Variants in TMEM167B observed in about 807,000 individuals in gnomAD.
The protein encoded by TMEM167B is transmembrane protein 167B, also known as protein kish-B.
Under a neutral mutation model 9.4 loss-of-function variants are expected in TMEM167B, and 2 were observed. That is an observed-to-expected ratio of 0.21 (90% confidence interval 0.09 to 0.67). The LOEUF (loss-of-function observed/expected upper bound fraction) is 0.67, where lower values mean the gene tolerates loss of function less well. Among genes scored for constraint, TMEM167B ranks in the 30% least tolerant of loss-of-function variants. The pLI, the probability that TMEM167B is intolerant of heterozygous loss-of-function variation, is 0.82. For synonymous variants in TMEM167B, 28 were observed against 32.0 expected (o/e 0.87, Z 0.42); for missense variants, 68 against 87.6 (o/e 0.78, Z 0.89).
intron 2 of TMEM167B, 150 bp downstream of exon 2, chr1:109,093,171 C>A: frequency 1.7e-6 from 2 of 1,158,486 alleles, no homozygotes; most frequent in Non-Finnish European, 2.4e-6. Flanking sequence ...GAAAATTAAT[C>A]ATTCTCCAAA....
In TMEM167B at chr1:109,094,581, A is replaced by C; in HGVS notation, c.*82A>C. 7.3e-7 allele frequency: 1 copy of C among 1,367,354 alleles called. No individual in the cohort carries two copies. 84.7% of individuals were successfully genotyped at this position (1,367,354 alleles called of 1,614,324 possible). A position where few individuals can be genotyped will look rare whatever the true frequency, so the allele number is the denominator to read the frequency against. On this transcript the variant is annotated 3_prime_UTR_variant, in exon 3 of 3. Transcript: ENST00000338272. The stretch of plus-strand genomic sequence containing the variant: ...GTTGGAGACCTGAACCCAGTGTAGG[A>C]GAGTTCAGCTGAAATCATCGGTCCC...
Position 109,096,146 on chromosome 1 carries a change from T to C in TMEM167B, c.*1647T>C, listed in dbSNP as rs902181578. 2.0e-5 allele frequency: 3 copies of C among 152,234 alleles called. No individual in the cohort carries two copies. The highest frequency in any genetic ancestry group is 4.4e-5 in the Non-Finnish European group (3 of 68,040). The allele number at this position is 152,234 out of a possible 1,614,324, so 9.4% of individuals were successfully genotyped here. On this transcript the variant is annotated 3_prime_UTR_variant, in exon 3 of 3. Coordinates refer to ENST00000338272, the MANE Select transcript of TMEM167B (RefSeq NM_020141.4). Reference sequence around the variant, plus strand: ...GGGTTTCTAGAAATACAGAAAGTCATCAAGTAAACACTGCATGTCTAATCA... The same window carrying C: ...GGGTTTCTAGAAATACAGAAAGTCACCAAGTAAACACTGCATGTCTAATCA...
At position 109,090,898 on chromosome 1, in the gene TMEM167B, C is replaced by G; in HGVS notation, c.10+16C>G. On this transcript the variant is annotated intron_variant, in intron 1 of 2. Coordinates refer to ENST00000338272, the MANE Select transcript of TMEM167B (RefSeq NM_020141.4). Reference sequence around the variant, plus strand: ...ATGACGAACGGTGAGAACTGATGCCCTGAGCGGAGGGTGGGAGTGAAGGAC... The same window carrying G: ...ATGACGAACGGTGAGAACTGATGCCGTGAGCGGAGGGTGGGAGTGAAGGAC... 1.3e-6 allele frequency: 2 copies of G among 1,588,720 alleles called. No homozygotes were observed. Among genetic ancestry groups the G allele is most frequent in the Middle Eastern group, 1.7e-4 (1 of 6,032 alleles).
intron 2 of TMEM167B, chr1:109,093,244 C>G: frequency 1.8e-6 from 1 of 540,672 alleles, no homozygotes; most frequent in Non-Finnish European, 3.1e-6. Flanking sequence ...ATAATCTCAG[C>G]ACTTTGGGGG....
intron 2 of TMEM167B, 67 bp downstream of exon 2, chr1:109,093,088 G>T (rs1664486875): frequency 1.3e-6 from 2 of 1,579,876 alleles, no homozygotes; most frequent in Admixed American, 1.8e-5. Flanking sequence ...ACAAAGTAGG[G>T]AGTACAGTGA....
chr1:109,094,099 G>A (rs1664514348), intron 2 of TMEM167B, among the ~76,000 whole-genome samples: 1 of 152,182 alleles, frequency 6.6e-6, no homozygotes. Context: ...GGCCAAGATG[G>A]TGAAACCCCA....
intron 1 of TMEM167B, among the ~76,000 whole-genome samples, chr1:109,092,449 G>T (rs1439644246): frequency 6.6e-6 from 1 of 152,104 alleles, no homozygotes; most frequent in East Asian, 1.9e-4. Flanking sequence ...AGTCTCTAAG[G>T]ATTCATATGT....
intron 2 of TMEM167B, 75 bp from the exon 3 acceptor site, chr1:109,094,342 C>T (rs1664519374): frequency 1.4e-6 from 2 of 1,466,454 alleles, no homozygotes; most frequent in Non-Finnish European, 9.5e-7. Context: ...TGACTAGAGA[C>T]TTCAAAATAT....
Position 109,090,783 on chromosome 1 carries a change from G to C in TMEM167B, c.-90G>C. ...CGGCTTCTTCCAGTCACCTCGGCCCGGATCGGGAAGTGTCAAGCGGGCGCT... is the reference window on the plus strand; with the variant it reads ...CGGCTTCTTCCAGTCACCTCGGCCCCGATCGGGAAGTGTCAAGCGGGCGCT... On this transcript the variant is annotated 5_prime_UTR_variant, in exon 1 of 3. Coordinates refer to ENST00000338272, the MANE Select transcript of TMEM167B (RefSeq NM_020141.4). 1 of 1,504,938 alleles carries C rather than the reference G, an allele frequency of 6.6e-7. No individual in the cohort carries two copies. Among genetic ancestry groups the C allele is most frequent in the Non-Finnish European group, 9.1e-7 (1 of 1,104,478 alleles). 93.2% of individuals were successfully genotyped at this position (1,504,938 alleles called of 1,614,324 possible). A position where few individuals can be genotyped will look rare whatever the true frequency, so the allele number is the denominator to read the frequency against.
intron 1 of TMEM167B, among the ~76,000 whole-genome samples, chr1:109,091,430 A>C (rs1421376637): frequency 1.3e-5 from 2 of 152,182 alleles, no homozygotes; most frequent in African/African-American, 4.8e-5. Context: ...AGTGTTGCAA[A>C]GGGTGGATTT....
chr1:109,094,261 CAG>C (rs1371612921), intron 2 of TMEM167B, among the ~76,000 whole-genome samples, 154 bp from the exon 3 acceptor site: 1 of 152,194 alleles, frequency 6.6e-6, no homozygotes, highest in Non-Finnish European at 1.5e-5. Flanking sequence ...GCCTGGCCGA[CAG>C]AGTGAGACTG....
intron 1 of TMEM167B, among the ~76,000 whole-genome samples, chr1:109,092,549 A>T (rs1664472735): frequency 6.6e-6 from 1 of 152,072 alleles, no homozygotes; most frequent in Admixed American, 6.6e-5. Context: ...AGGACCAGTG[A>T]CATTTTAGTA....
At chr1:109,093,311 G>C (rs79424058) in intron 2 of TMEM167B, 39,225 of 304,410 alleles carry the variant, frequency 0.13, 3,715 homozygotes, top group East Asian at 0.43. Context: ...GGGCAACACA[G>C]TGAGACCCCA....
At chr1:109,093,217 TG>T in intron 2 of TMEM167B, 196 bp downstream of exon 2, 2 of 713,868 alleles carry the variant, frequency 2.8e-6, no homozygotes, top group South Asian at 3.8e-5. Flanking sequence ...ATTTGCTGGG[TG>T]TGATGGCTCA....
intron 1 of TMEM167B, 102 bp from the exon 2 acceptor site, chr1:109,092,777 GGTTATTATTTT>G: frequency 8.2e-7 from 1 of 1,226,972 alleles, no homozygotes; most frequent in South Asian, 1.4e-5. Context: ...TGCCTGTTGA[GGTTATTATTTT>G]GTTATTATGT....
In TMEM167B at chr1:109,092,856, T is replaced by C. The variant is rs368849740; in HGVS notation, c.11-34T>C. The C allele has an allele frequency of 5.0e-6, 8 of 1,612,348 alleles. No homozygotes were observed. In the African/African-American group the frequency reaches 9.4e-5, roughly 19 times the overall value. ...GATCACAGGTCCGACGCTAGATCAG[T>C]ACCTAAGGTTTTCTTTTCTTCTTTA... On this transcript the variant is annotated intron_variant, in intron 1 of 2. Transcript: ENST00000338272.
chr1:109,094,880 T>G lies in TMEM167B; in HGVS notation c.*381T>G, dbSNP rs1020492406. On this transcript the variant is annotated 3_prime_UTR_variant, in exon 3 of 3. Coordinates refer to ENST00000338272, the MANE Select transcript of TMEM167B (RefSeq NM_020141.4). ...GCTCATTAGGGAAGGAACTAGGCTGTGTTCAGACTTCTTTTGAAGAGAGAG... is the reference window on the plus strand; with the variant it reads ...GCTCATTAGGGAAGGAACTAGGCTGGGTTCAGACTTCTTTTGAAGAGAGAG... 45 of 167,368 alleles carry G rather than the reference T, an allele frequency of 2.7e-4. No individual in the cohort carries two copies. The highest frequency in any genetic ancestry group is 9.8e-4 in the African/African-American group (41 of 42,048). The allele number at this position is 167,368 out of a possible 1,614,324, so 10.4% of individuals were successfully genotyped here. A position where few individuals can be genotyped will look rare whatever the true frequency, so the allele number is the denominator to read the frequency against.
chr1:109,093,666 TG>T (rs1664504735), intron 2 of TMEM167B: 1 of 152,254 alleles, frequency 6.6e-6, no homozygotes, highest in African/African-American at 2.4e-5. Flanking sequence ...TTTCTGTAAA[TG>T]GTACATTGGA....
At chr1:109,092,378 T>G (rs1178314060) in intron 1 of TMEM167B, among the ~76,000 whole-genome samples, 1 of 152,222 alleles carries the variant, frequency 6.6e-6, no homozygotes, top group African/African-American at 2.4e-5. Flanking sequence ...TGGCTACATA[T>G]CTAGCTCTCC....
Sources: allele counts gnomAD v4.1 joint callset (sites outside exome capture counted in the v4.1 genomes callset), GRCh38; gene constraint gnomAD v4.1.1; transcripts MANE v1.5; gene names NCBI Gene and HGNC (gene_info 2026-07-23, HGNC 2026-07-21).